The following NPC1 variants were observed in gnomAD, a reference collection of about 807,000 sequenced individuals.
NPC1 encodes Niemann-Pick C1 protein.
In NPC1, 85 loss-of-function variants were observed where a neutral mutation model predicts 140.4. The observed-to-expected ratio is 0.61, with a 90% confidence interval of 0.51 to 0.72. NPC1 has a LOEUF of 0.72. Among genes scored for constraint, NPC1 ranks in the 30% least tolerant of loss-of-function variants. The pLI is 0.00. For synonymous variants in NPC1, 656 were observed against 624.8 expected (o/e 1.05, Z -0.74); for missense variants, 1,504 against 1,623.8 (o/e 0.93, Z 1.27).
At chr18:23,575,843 T>C (rs537096509) in intron 1 of NPC1, among the ~76,000 whole-genome samples, 25 of 149,002 alleles carry the variant, frequency 1.7e-4, no homozygotes, top group African/African-American at 5.7e-4. Context: ...TCCCAGCACT[T>C]TGGGAAGCCA....
chr18:23,576,558 G>A (rs1291364945), intron 1 of NPC1: 1 of 985,098 alleles, frequency 1.0e-6, no homozygotes, highest in Non-Finnish European at 1.2e-6. Flanking sequence ...TGGGTTCTTG[G>A]TCTCACTGAC....
chr18:23,530,556 T>C, downstream of NPC1: 3 of 1,614,180 alleles, frequency 1.9e-6, no homozygotes, highest in Non-Finnish European at 2.5e-6. Context: ...TATACAATAT[T>C]CCGCTTTTTT....
chr18:23,529,168 T>C, downstream of NPC1: 1 of 1,606,776 alleles, frequency 6.2e-7, no homozygotes, highest in Non-Finnish European at 8.5e-7. Context: ...TTTGTGGTTT[T>C]TTTCTTTCAG....
downstream of NPC1, chr18:23,527,937 C>T (rs1254798900): frequency 2.0e-6 from 3 of 1,486,582 alleles, no homozygotes; most frequent in Middle Eastern, 1.7e-4. Flanking sequence ...GGTCCTCCTC[C>T]CCCACCCCCT....
At chr18:23,538,426 G>T in intron 20 of NPC1, 116 bp downstream of exon 20, 1 of 1,270,640 alleles carries the variant, frequency 7.9e-7, no homozygotes, top group Non-Finnish European at 1.2e-6. Flanking sequence ...GACCAGGACA[G>T]GGTGGGGCGG....
intron 6 of NPC1, among the ~76,000 whole-genome samples, chr18:23,559,493 T>G (rs990373838): frequency 3.5e-5 from 3 of 85,908 alleles, no homozygotes; most frequent in African/African-American, 2.0e-4. Context: ...TGACTCTGAC[T>G]TTTTTTTTTT....
At chr18:23,537,983 G>A (rs2058657070) in intron 20 of NPC1, among the ~76,000 whole-genome samples, 2 of 152,096 alleles carry the variant, frequency 1.3e-5, no homozygotes, top group Admixed American at 6.5e-5. Flanking sequence ...CCAAATCAAG[G>A]CCAGAGACTT....
chr18:23,509,878 T>G (rs1272182048), intron 3 of NPC1, among the ~76,000 whole-genome samples: 1 of 150,682 alleles, frequency 6.6e-6, no homozygotes, highest in African/African-American at 2.4e-5. Context: ...TTTTAAACTT[T>G]TTTGTAGAGA....
At chr18:23,560,179 C>T in intron 6 of NPC1, 52 bp downstream of exon 6, 2 of 1,611,844 alleles carry the variant, frequency 1.2e-6, no homozygotes, top group Non-Finnish European at 1.7e-6. Context: ...GCTCAAAGTG[C>T]CAGTGGGCAA....
chr18:23,567,522 T>C (rs747328447), intron 4 of NPC1, among the ~76,000 whole-genome samples: 1 of 152,220 alleles, frequency 6.6e-6, no homozygotes, highest in Non-Finnish European at 1.5e-5. Context: ...TATTTGTATA[T>C]TTTGAATAAC....
chr18:23,544,837 A>G, intron 12 of NPC1, 123 bp downstream of exon 12: 1 of 788,492 alleles, frequency 1.3e-6, no homozygotes, highest in South Asian at 1.6e-5. Flanking sequence ...CATACAATTA[A>G]AACATGGGGG....
chr18:23,531,932 G>A lies in NPC1; in HGVS notation c.*270C>T. ...CGGATCACATTCACAGCCATCTAGT[G>A]TCACCTCCTGCTTGCCAAAGAATGA... On this transcript the variant is annotated 3_prime_UTR_variant, in exon 25 of 25. Transcript: ENST00000269228. The A allele has an allele frequency of 6.9e-7, 1 of 1,444,206 alleles. No individual in the cohort carries two copies. The allele number at this position is 1,444,206 out of a possible 1,614,324, so 89.5% of individuals were successfully genotyped here.
rs2145478142 is a variant in NPC1 at position 23,559,967 on chromosome 18, A to T, written c.881+264T>A. Among the ~76,000 whole-genome samples, 3 of 152,282 alleles carry T rather than the reference A, an allele frequency of 2.0e-5. 1 individual carries two copies. The South Asian group carries it at 6.2e-4, about 32-fold the overall frequency. Reference sequence around the variant, plus strand: ...GAGTGAGACTCAGTCTCCAAAAAAAAAAAGAATCAGTGGCTAATGCACAGT... The same window carrying T: ...GAGTGAGACTCAGTCTCCAAAAAAATAAAGAATCAGTGGCTAATGCACAGT... On this transcript the variant is annotated intron_variant, in intron 6 of 24. Coordinates refer to ENST00000269228, the MANE Select transcript of NPC1 (RefSeq NM_000271.5).
chr18:23,532,018 T>C lies in NPC1; in HGVS notation c.*184A>G, dbSNP rs2058526967. 2 of 1,517,512 alleles carry C rather than the reference T, an allele frequency of 1.3e-6. No individual in the cohort carries two copies. The highest frequency in any genetic ancestry group is 4.1e-5 in the Admixed American group (2 of 48,842). The allele number at this position is 1,517,512 out of a possible 1,614,324, so 94.0% of individuals were successfully genotyped here. On this transcript the variant is annotated 3_prime_UTR_variant, in exon 25 of 25. Transcript: ENST00000269228. ...GTCCTGTGGTTGCCTCCAGATCTAG[T>C]AATACTGCTTCCCAAGTCAACTGTG...
At chr18:23,537,907 G>GA (rs2058656031) in intron 20 of NPC1, among the ~76,000 whole-genome samples, 1 of 152,202 alleles carries the variant, frequency 6.6e-6, no homozygotes, top group South Asian at 2.1e-4. Context: ...ATGTTCTTAT[G>GA]AAAAACCTAA....
chr18:23,514,178 G>A (rs1317122122), intron 3 of NPC1, among the ~76,000 whole-genome samples: 1 of 152,214 alleles, frequency 6.6e-6, no homozygotes, highest in African/African-American at 2.4e-5. Flanking sequence ...ATACACCTGT[G>A]TGTTAATGCC....
intron 7 of NPC1, 127 bp from the exon 8 acceptor site, chr18:23,556,740 A>AC: frequency 7.1e-7 from 1 of 1,412,614 alleles, no homozygotes; most frequent in Non-Finnish European, 9.8e-7. Flanking sequence ...CACATATGAG[A>AC]CCCCTGCCCT....
intron 3 of NPC1, chr18:23,516,398 G>C: frequency 6.2e-7 from 1 of 1,614,188 alleles, no homozygotes; most frequent in Non-Finnish European, 8.5e-7. Flanking sequence ...CAGCCTTTCC[G>C]AAAGAGACAT....
chr18:23,517,049 A>G (rs947201046), intron 3 of NPC1, among the ~76,000 whole-genome samples: 1 of 152,142 alleles, frequency 6.6e-6, no homozygotes, highest in African/African-American at 2.4e-5. Context: ...TTAAAAGCTC[A>G]GTTAAATAAT....
Sources: gnomAD v4.1 joint callset for allele counts (sites outside exome capture counted in the v4.1 genomes callset) on GRCh38, gnomAD v4.1.1 for gene constraint, MANE v1.5 for transcripts, NCBI Gene and HGNC (gene_info 2026-07-23, HGNC 2026-07-21) for gene names.